Variants in HS6ST3 observed in about 807,000 individuals in gnomAD.
HS6ST3 encodes heparan-sulfate 6-O-sulfotransferase 3.
A neutral mutation model predicts 36.7 loss-of-function variants in HS6ST3; 12 were observed. The observed-to-expected ratio is 0.33, with a 90% confidence interval of 0.21 to 0.53. HS6ST3 has a LOEUF of 0.53. Ranked by LOEUF, HS6ST3 falls within the 20% of genes least tolerant of loss-of-function variation. The pLI is 0.95. For synonymous variants in HS6ST3, 240 were observed against 257.5 expected, an observed-to-expected ratio of 0.93 and a Z score of 0.65; for missense variants, 584 against 640.9, an observed-to-expected ratio of 0.91 and a Z score of 0.96.
chr13:96,419,494 T>G (rs1367584876), intron 1 of HS6ST3, among the ~76,000 whole-genome samples: 1 of 152,028 alleles, frequency 6.6e-6, no homozygotes, highest in Admixed American at 6.6e-5. Context: ...TAAATGGAGG[T>G]AGATAGATGG....
At chr13:96,814,587 T>A (rs1400081601) in intron 1 of HS6ST3, among the ~76,000 whole-genome samples, 1 of 152,170 alleles carries the variant, frequency 6.6e-6, no homozygotes, top group African/African-American at 2.4e-5. Context: ...TTTTATTATT[T>A]CTTCTCTTTT....
chr13:96,326,173 T>C (rs2055030014), intron 1 of HS6ST3, among the ~76,000 whole-genome samples: 1 of 120,672 alleles, frequency 8.3e-6, no homozygotes, highest in African/African-American at 2.8e-5. Context: ...TTTTCTTTTT[T>C]TTTTTAATTT....
rs117534499 is a variant in HS6ST3, at chr13:96,158,384, C to A, written c.707+66815C>A. On this transcript the variant is annotated intron_variant, in intron 1 of 1. Transcript: ENST00000376705. ...TGTAGGAGAGAGAAAGTAGAGGGAACCCCAAGAAAAAGGTGGAGAACTCTT... is the reference window on the plus strand; with the variant it reads ...TGTAGGAGAGAGAAAGTAGAGGGAAACCCAAGAAAAAGGTGGAGAACTCTT... Among the ~76,000 whole-genome samples, 260 of 151,912 alleles carry A rather than the reference C, an allele frequency of 1.7e-3. 1 individual carries two copies. In the East Asian group the frequency reaches 0.024, roughly 14 times the overall value.
intron 1 of HS6ST3, among the ~76,000 whole-genome samples, chr13:96,202,294 A>G (rs2054346463): frequency 6.6e-6 from 1 of 152,138 alleles, no homozygotes. Context: ...TTATTCAGGT[A>G]CTCCTCACAT....
At chr13:96,354,695 T>C (rs951179225) in intron 1 of HS6ST3, among the ~76,000 whole-genome samples, 1 of 152,116 alleles carries the variant, frequency 6.6e-6, no homozygotes, top group African/African-American at 2.4e-5. Flanking sequence ...TGACTTAAAA[T>C]GTAAAAGAAA....
chr13:96,666,393 TTTA>T (rs946792070), intron 1 of HS6ST3, among the ~76,000 whole-genome samples: 2 of 152,194 alleles, frequency 1.3e-5, no homozygotes, highest in East Asian at 3.8e-4. Context: ...CTTCTATCCC[TTTA>T]TTATTCTCTT....
intron 1 of HS6ST3, among the ~76,000 whole-genome samples, chr13:96,561,192 G>A (rs535316904): frequency 6.6e-6 from 1 of 152,222 alleles, no homozygotes; most frequent in African/African-American, 2.4e-5. Context: ...CAGACATATA[G>A]ACAAATGGAA....
intron 1 of HS6ST3, among the ~76,000 whole-genome samples, chr13:96,480,057 T>C (rs1416347810): frequency 1.3e-5 from 2 of 152,156 alleles, no homozygotes; most frequent in Admixed American, 6.5e-5. Flanking sequence ...ATTCCAGATA[T>C]TGGAAAACAC....
intron 1 of HS6ST3, among the ~76,000 whole-genome samples, chr13:96,259,227 G>A (rs1335580101): frequency 6.6e-6 from 1 of 152,096 alleles, no homozygotes; most frequent in Admixed American, 6.6e-5. Context: ...AGGACCCGGG[G>A]TGAAAACTCA....
At chr13:96,494,589 T>C (rs1182345542) in intron 1 of HS6ST3, among the ~76,000 whole-genome samples, 2 of 148,836 alleles carry the variant, frequency 1.3e-5, no homozygotes, top group Non-Finnish European at 3.0e-5. Context: ...TCACAGCCAC[T>C]AAAGGGAGGG....
At chr13:96,457,171 G>A (rs1326626907) in intron 1 of HS6ST3, among the ~76,000 whole-genome samples, 1 of 152,026 alleles carries the variant, frequency 6.6e-6, no homozygotes, top group East Asian at 1.9e-4. Context: ...TATTTCAGTG[G>A]ACAAACACTT....
intron 1 of HS6ST3, among the ~76,000 whole-genome samples, chr13:96,246,340 A>G (rs1566300183): frequency 6.6e-6 from 1 of 152,176 alleles, no homozygotes; most frequent in Non-Finnish European, 1.5e-5. Flanking sequence ...ATTTTGCAAT[A>G]GAAGAAAATT....
intron 1 of HS6ST3, among the ~76,000 whole-genome samples, chr13:96,316,203 C>T (rs1049296218): frequency 4.6e-5 from 7 of 150,928 alleles, no homozygotes; most frequent in Non-Finnish European, 1.0e-4. Context: ...TATGCATATG[C>T]ATGTATATGT....
intron 1 of HS6ST3, among the ~76,000 whole-genome samples, chr13:96,516,067 T>G (rs2138923530): frequency 6.6e-6 from 1 of 151,908 alleles, no homozygotes; most frequent in East Asian, 1.9e-4. Context: ...CATTAACTTT[T>G]TTTTTTTTTT....
intron 1 of HS6ST3, among the ~76,000 whole-genome samples, chr13:96,639,711 C>G (rs1441326220): frequency 3.3e-5 from 5 of 151,874 alleles, no homozygotes; most frequent in Non-Finnish European, 7.4e-5. Flanking sequence ...TACCCTCCCC[C>G]AAAAATAGTC....
intron 1 of HS6ST3, among the ~76,000 whole-genome samples, chr13:96,815,862 G>A (rs1344824547): frequency 2.6e-5 from 4 of 152,120 alleles, no homozygotes; most frequent in Non-Finnish European, 5.9e-5. Flanking sequence ...GATATGCTGT[G>A]TTCAAAGCCA....
chr13:96,773,455 T>C (rs1877317502), intron 1 of HS6ST3, among the ~76,000 whole-genome samples: 1 of 152,156 alleles, frequency 6.6e-6, no homozygotes, highest in Non-Finnish European at 1.5e-5. Flanking sequence ...AGCACAGCAT[T>C]CTGAAGTCGA....
chr13:96,399,861 C>A (rs2055440549), intron 1 of HS6ST3, among the ~76,000 whole-genome samples: 1 of 152,178 alleles, frequency 6.6e-6, no homozygotes, highest in Admixed American at 6.5e-5. Flanking sequence ...CTCATAATGC[C>A]TACATTATAA....
chr13:96,718,495 A>C (rs1031600085), intron 1 of HS6ST3, among the ~76,000 whole-genome samples: 2 of 152,146 alleles, frequency 1.3e-5, no homozygotes, highest in Non-Finnish European at 2.9e-5. Flanking sequence ...AAGGGCAAAA[A>C]AGAAATTGGA....
Sources: allele counts gnomAD v4.1 joint callset (sites outside exome capture counted in the v4.1 genomes callset), GRCh38; gene constraint gnomAD v4.1.1; transcripts MANE v1.5; gene names NCBI Gene and HGNC (gene_info 2026-07-23, HGNC 2026-07-21).